Variants in SRRM4 observed in about 807,000 individuals in gnomAD.
The protein encoded by SRRM4 is serine/arginine repetitive matrix protein 4.
Under a neutral mutation model 68.9 loss-of-function variants are expected in SRRM4, and 33 were observed. The observed-to-expected ratio is 0.48, with a 90% confidence interval of 0.36 to 0.64. The LOEUF (loss-of-function observed/expected upper bound fraction) is 0.64. SRRM4 is among the 30% of genes least tolerant of loss of function. SRRM4 has a pLI of 0.00. For missense variants in SRRM4, 817 were observed against 827.1 expected (o/e 0.99, Z 0.15); for synonymous variants, 318 against 318.8 (o/e 1.00, Z 0.03).
chr12:119,042,410 A>C (rs1238182226), intron 1 of SRRM4, among the ~76,000 whole-genome samples: 1 of 152,076 alleles, frequency 6.6e-6, no homozygotes, highest in Non-Finnish European at 1.5e-5. Flanking sequence ...GAGAGATGCT[A>C]TGGAAATTAC....
Position 119,130,765 on chromosome 12 carries a change from T to G in SRRM4, c.702T>G (p.Pro234=). 1 of 1,610,500 alleles carries G rather than the reference T, an allele frequency of 6.2e-7. No individual in the cohort carries two copies. The highest frequency in any genetic ancestry group is 8.5e-7 in the Non-Finnish European group (1 of 1,179,802). Residue 234 remains proline (P), a synonymous_variant, in exon 8 of 13, where the codon CCT becomes CCG. Coordinates refer to ENST00000267260, the MANE Select transcript of SRRM4 (RefSeq NM_194286.4). ...RCSKTLCKDS[P]EAQSSRPPSQ... ...CCAAGACCCTCTGCAAGGACAGCCC[T>G]GAGGCCCAGTCCAGTCGCCCGCCCA...
chr12:119,007,028 A>T (rs991547593), intron 1 of SRRM4, among the ~76,000 whole-genome samples: 1 of 152,200 alleles, frequency 6.6e-6, no homozygotes, highest in East Asian at 1.9e-4. Flanking sequence ...CCTCAGGGTC[A>T]GCTTTATGGA....
chr12:119,024,226 C>A (rs1174096080), intron 1 of SRRM4, among the ~76,000 whole-genome samples: 2 of 152,172 alleles, frequency 1.3e-5, no homozygotes, highest in Admixed American at 1.3e-4. Context: ...TGCCCGAAGT[C>A]ATCCAACATG....
chr12:119,037,166 G>A (rs540566103), intron 1 of SRRM4, among the ~76,000 whole-genome samples: 16 of 152,230 alleles, frequency 1.1e-4, no homozygotes, highest in Admixed American at 5.9e-4. Flanking sequence ...TCTTGGTTTG[G>A]TCTGTTTTGC....
At chr12:119,093,617 C>T in intron 1 of SRRM4, among the ~76,000 whole-genome samples, 1 of 152,134 alleles carries the variant, frequency 6.6e-6, no homozygotes, top group Admixed American at 6.5e-5. Context: ...GGACCCTGGG[C>T]TGGAAGGAGA....
chr12:119,079,082 A>G (rs1314195029), intron 1 of SRRM4, among the ~76,000 whole-genome samples: 1 of 152,142 alleles, frequency 6.6e-6, no homozygotes, highest in South Asian at 2.1e-4. Context: ...GTCCAGGAGG[A>G]TGTGATGCAG....
At chr12:118,992,209 C>A (rs2099085301) in intron 1 of SRRM4, 1 of 152,226 alleles carries the variant, frequency 6.6e-6, no homozygotes, top group Admixed American at 6.5e-5. Context: ...TGCAGGTGAG[C>A]TCTGGGTTCA....
At chr12:119,005,981 C>T (rs1953413634) in intron 1 of SRRM4, among the ~76,000 whole-genome samples, 1 of 152,086 alleles carries the variant, frequency 6.6e-6, no homozygotes, top group Admixed American at 6.5e-5. Flanking sequence ...TCTCACAGCC[C>T]CTGGTCATCT....
intron 4 of SRRM4, among the ~76,000 whole-genome samples, chr12:119,119,874 A>G (rs1359637245): frequency 6.6e-6 from 1 of 152,070 alleles, no homozygotes; most frequent in Non-Finnish European, 1.5e-5. Context: ...CATCCAGGAC[A>G]GATTTACTGA....
chr12:119,140,909 C>A (rs1477291504), intron 8 of SRRM4, among the ~76,000 whole-genome samples: 1 of 152,182 alleles, frequency 6.6e-6, no homozygotes, highest in Non-Finnish European at 1.5e-5. Context: ...TTCAATAGCA[C>A]AGTAGAGTGG....
chr12:118,983,251 T>C (rs890695247), intron 1 of SRRM4, among the ~76,000 whole-genome samples: 2 of 152,176 alleles, frequency 1.3e-5, no homozygotes, highest in African/African-American at 4.8e-5. Context: ...TTGAGGATCA[T>C]ACAGGTCTTT....
rs183057856 is a variant in SRRM4 at position 119,157,227 on chromosome 12, G to A, written c.*429G>A. 3.3e-3 allele frequency: 579 copies of A among 173,200 alleles called. 2 individuals are homozygous for A. Among genetic ancestry groups the A allele is most frequent in the Non-Finnish European group, 5.6e-3 (452 of 81,434 alleles). The allele number at this position is 173,200 out of a possible 1,614,324, so 10.7% of individuals were successfully genotyped here. Reference sequence around the variant, plus strand: ...GATGCCCCACTAGTCCAACTTCATGGCTGCACGTGGATGGACCCCCATGTC... The same window carrying A: ...GATGCCCCACTAGTCCAACTTCATGACTGCACGTGGATGGACCCCCATGTC... On this transcript the variant is annotated 3_prime_UTR_variant, in exon 13 of 13. Transcript: ENST00000267260. The surrounding 1 kb of genome is among the most constrained non-coding windows in gnomAD (Gnocchi z 4.1).
chr12:118,987,948 G>A (rs1213181507), intron 1 of SRRM4, among the ~76,000 whole-genome samples: 1 of 152,194 alleles, frequency 6.6e-6, no homozygotes, highest in East Asian at 1.9e-4. Flanking sequence ...ACATAGTGGT[G>A]TTGTGATACA....
chr12:119,038,708 A>C (rs1298043587), intron 1 of SRRM4, among the ~76,000 whole-genome samples: 4 of 151,804 alleles, frequency 2.6e-5, no homozygotes, highest in Non-Finnish European at 5.9e-5. Flanking sequence ...ACGTTTTTTC[A>C]TGTTTCCTCT....
chr12:118,982,736 C>A (rs1953258617), intron 1 of SRRM4, among the ~76,000 whole-genome samples: 1 of 143,926 alleles, frequency 6.9e-6, no homozygotes, highest in African/African-American at 2.5e-5. Flanking sequence ...GGATGAGAAC[C>A]GATCCTTGGA....
At chr12:119,049,719 G>C (rs779975165) in intron 1 of SRRM4, among the ~76,000 whole-genome samples, 1 of 152,146 alleles carries the variant, frequency 6.6e-6, no homozygotes, top group African/African-American at 2.4e-5. Flanking sequence ...TGTTTTGAAG[G>C]CTGGAAGTTC....
intron 1 of SRRM4, among the ~76,000 whole-genome samples, chr12:119,044,235 A>C (rs899112027): frequency 1.3e-5 from 2 of 152,162 alleles, no homozygotes; most frequent in African/African-American, 4.8e-5. Flanking sequence ...TTTCCAACCC[A>C]GGAAGACTTT....
rs535055808 is a variant in SRRM4 at position 119,145,707 on chromosome 12, G to A, written c.1076+22G>A. 1.6e-5 allele frequency: 24 copies of A among 1,476,080 alleles called. No individual in the cohort carries two copies. In the Admixed American group the frequency reaches 1.8e-4, roughly 11 times the overall value. 91.4% of individuals were successfully genotyped at this position (1,476,080 alleles called of 1,614,324 possible). On this transcript the variant is annotated intron_variant, in intron 9 of 12. Coordinates refer to ENST00000267260, the MANE Select transcript of SRRM4 (RefSeq NM_194286.4). ...CAAGGTCAGTGCACCACACAGGGTCGGGGGTAGACGGTCTCCCACCTTAGC... is the reference window on the plus strand; with the variant it reads ...CAAGGTCAGTGCACCACACAGGGTCAGGGGTAGACGGTCTCCCACCTTAGC...
Position 119,101,795 on chromosome 12 carries a change from A to T in SRRM4, c.132-441A>T, listed in dbSNP as rs190548848. ...TCCTATCATGCTTTGGCCTCCCATT[A>T]TGTCTTGAGAAAAGAAATGAAATGC... On this transcript the variant is annotated intron_variant, in intron 1 of 12. Transcript: ENST00000267260. Among the ~76,000 whole-genome samples the T allele has an allele frequency of 1.4e-4, 21 of 152,256 alleles. No homozygotes were observed. The East Asian group carries it at 2.7e-3, about 20-fold the overall frequency.
Sources: allele counts gnomAD v4.1 joint callset (sites outside exome capture counted in the v4.1 genomes callset), GRCh38; gene constraint gnomAD v4.1.1; non-coding constraint Gnocchi (gnomAD v3.1); transcripts MANE v1.5; gene names NCBI Gene and HGNC (gene_info 2026-07-23, HGNC 2026-07-21).